TSPAN16: variants seen among roughly 807,000 people sequenced by gnomAD.
TSPAN16 encodes tetraspanin-16.
A neutral mutation model predicts 25.2 loss-of-function variants in TSPAN16; 23 were observed. That is an observed-to-expected ratio of 0.91 (90% CI 0.66 to 1.29). The LOEUF is 1.29. TSPAN16 is among the 50% of genes most tolerant of loss of function. The pLI is 0.00. For missense variants in TSPAN16, 272 were observed against 299.9 expected (o/e 0.91, Z 0.69); for synonymous variants, 123 against 124.4 (o/e 0.99, Z 0.08).
At chr19:11,317,830 A>T (rs965305834), downstream of TSPAN16, among the ~76,000 whole-genome samples, 10 of 151,458 alleles carry the variant, frequency 6.6e-5, no homozygotes, top group African/African-American at 9.7e-5. Flanking sequence ...CTCAAAAAAA[A>T]AAAAAAGTGT....
intron 6 of TSPAN16, chr19:11,323,036 C>T (rs369405103): frequency 2.0e-5 from 3 of 150,674 alleles, no homozygotes; most frequent in Admixed American, 1.3e-4. Flanking sequence ...CGCTTGAACC[C>T]GGGAGGTGGA....
chr19:11,307,240 C>T (rs1260736984), intron 5 of TSPAN16, among the ~76,000 whole-genome samples: 2 of 152,014 alleles, frequency 1.3e-5, no homozygotes, highest in East Asian at 1.9e-4. Context: ...CTGCCTCAGC[C>T]TCCCGAGTAG....
exon 7 of TSPAN16, chr19:11,326,881 T>A (rs1300136696): frequency 4.8e-5 from 28 of 586,584 alleles, no homozygotes; most frequent in Non-Finnish European, 7.6e-5. Context: ...AAGTGCTGGG[T>A]TTACCAGCGT....
chr19:11,317,515 A>G (rs2080755384), downstream of TSPAN16, among the ~76,000 whole-genome samples: 1 of 151,322 alleles, frequency 6.6e-6, no homozygotes, highest in African/African-American at 2.4e-5. Flanking sequence ...CTTTTTTGAG[A>G]CGGAGTTTCG....
At chr19:11,297,653 C>CGCCCG (rs2080493727) in intron 1 of TSPAN16, among the ~76,000 whole-genome samples, 2 of 152,002 alleles carry the variant, frequency 1.3e-5, no homozygotes, top group African/African-American at 4.8e-5. Context: ...CCCACCACCA[C>CGCCCG]GCCCGGCCAA....
intron 4 of TSPAN16, among the ~76,000 whole-genome samples, chr19:11,304,302 G>C (rs1385259956): frequency 6.6e-6 from 1 of 151,380 alleles, no homozygotes; most frequent in Non-Finnish European, 1.5e-5. Flanking sequence ...AGCTGCTGTG[G>C]GTTGATGGCC....
At chr19:11,319,797 T>A (rs573135129), downstream of TSPAN16, among the ~76,000 whole-genome samples, 1 of 151,892 alleles carries the variant, frequency 6.6e-6, no homozygotes, top group African/African-American at 2.4e-5. Context: ...AACCTGTCAT[T>A]TAGGTTGTAT....
At chr19:11,315,250 TAATAATAATAATA>T (rs1482588972) in intron 6 of TSPAN16, among the ~76,000 whole-genome samples, 4 of 120,602 alleles carry the variant, frequency 3.3e-5, no homozygotes, top group African/African-American at 1.5e-4. Flanking sequence ...ATAATAATAA[TAATAATAATAATA>T]ATAATAATAA....
chr19:11,317,802 G>A (rs570338528), downstream of TSPAN16, among the ~76,000 whole-genome samples: 1 of 149,326 alleles, frequency 6.7e-6, no homozygotes, highest in Non-Finnish European at 1.5e-5. Flanking sequence ...CAGCCTGGGC[G>A]ACAGAGCAAT....
chr19:11,302,469 C>T lies in TSPAN16; in HGVS notation c.450+1161C>T, dbSNP rs988266871. On this transcript the variant is annotated intron_variant, in intron 4 of 6. Transcript: ENST00000590327. ...GCTTGAATCCGGGAGGCAGAGGCTG[C>T]GGTGAGCCAGGATCATGCCACTGCA... Among the ~76,000 whole-genome samples the T allele has an allele frequency of 9.8e-5, 12 of 122,538 alleles. No homozygotes were observed. In the Admixed American group the frequency reaches 1.1e-3, roughly 11 times the overall value. The allele number at this position is 122,538 out of a possible 152,430, so 80.4% of individuals were successfully genotyped here.
downstream of TSPAN16, among the ~76,000 whole-genome samples, chr19:11,319,279 T>C (rs953715721): frequency 1.3e-5 from 2 of 152,226 alleles, no homozygotes; most frequent in Non-Finnish European, 2.9e-5. Flanking sequence ...GCAAGTGTTT[T>C]ACTTACTACT....
chr19:11,298,433 C>CTT, intron 2 of TSPAN16, 94 bp downstream of exon 2: 3 of 1,237,058 alleles, frequency 2.4e-6, no homozygotes, highest in Non-Finnish European at 3.3e-6. Flanking sequence ...TTGGTGTCAC[C>CTT]TATTTTTTTT....
downstream of TSPAN16, among the ~76,000 whole-genome samples, chr19:11,317,429 T>C (rs2147959491): frequency 6.6e-6 from 1 of 152,232 alleles, no homozygotes; most frequent in South Asian, 2.1e-4. Flanking sequence ...GAGTCTCCCA[T>C]GTCAACTTTC....
rs777868480 is a variant in TSPAN16, at chr19:11,306,620, T to C, written c.467T>C (p.Val156Ala). The C allele has an allele frequency of 4.3e-6, 7 of 1,613,486 alleles. No homozygotes were observed. Among genetic ancestry groups the C allele is most frequent in the Non-Finnish European group, 5.9e-6 (7 of 1,180,006 alleles). ...LVMEKLKCCG[V>A]NNYTDFSGSS... ...TCTCTATAGCTAAAGTGCTGTGGGG[T>C]GAATAACTACACAGATTTTTCTGGC... is the stretch of plus-strand genomic sequence containing the variant. Residue 156 changes from valine (V) to alanine (A), a missense_variant, in exon 5 of 7, where the codon GTG (valine) becomes GCG (alanine). Transcript: ENST00000590327.
chr19:11,299,018 G>T, intron 3 of TSPAN16, 72 bp downstream of exon 3: 1 of 1,468,876 alleles, frequency 6.8e-7, no homozygotes, highest in Non-Finnish European at 9.4e-7. Flanking sequence ...AGTGGCTCAC[G>T]CCTCTAATCC....
At chr19:11,320,762 G>C (rs564160849), downstream of TSPAN16, among the ~76,000 whole-genome samples, 2 of 152,148 alleles carry the variant, frequency 1.3e-5, no homozygotes, top group Non-Finnish European at 2.9e-5. Context: ...GGGGCAGTGA[G>C]AAAGTGAGAT....
intron 6 of TSPAN16, chr19:11,322,727 C>G (rs377363259): frequency 6.6e-6 from 1 of 152,162 alleles, no homozygotes; most frequent in Non-Finnish European, 1.5e-5. Flanking sequence ...GCAGCTCTCT[C>G]GGCTGCTACT....
intron 6 of TSPAN16, 77 bp downstream of exon 6, chr19:11,312,299 TG>T: frequency 1.2e-6 from 1 of 847,314 alleles, no homozygotes; most frequent in South Asian, 2.1e-5. Context: ...TTCTGGTCAC[TG>T]GGACACAGGA....
intron 4 of TSPAN16, among the ~76,000 whole-genome samples, chr19:11,301,731 G>A (rs1264777027): frequency 6.6e-6 from 1 of 152,040 alleles, no homozygotes; most frequent in African/African-American, 2.4e-5. Context: ...AGTCCAGGAA[G>A]TCAAGGCTTC....
Sources: gnomAD v4.1 joint callset for allele counts (sites outside exome capture counted in the v4.1 genomes callset) on GRCh38, gnomAD v4.1.1 for gene constraint, MANE v1.5 for transcripts, NCBI Gene and HGNC (gene_info 2026-07-23, HGNC 2026-07-21) for gene names.